Variants in IFI27 observed in about 807,000 individuals in gnomAD.
The protein encoded by IFI27 is interferon alpha-inducible protein 27, mitochondrial.
IFI27 carries 3 observed loss-of-function variants against 8.9 expected under a neutral mutation model. The observed-to-expected ratio is 0.34, with a 90% CI of 0.15 to 0.87. The LOEUF (loss-of-function observed/expected upper bound fraction) is 0.87, where lower values mean the gene tolerates loss of function less well. Among genes scored for constraint, IFI27 ranks in the 40% least tolerant of loss-of-function variants. The pLI is 0.51. For missense variants in IFI27, 152 were observed against 157.7 expected, an observed-to-expected ratio of 0.96 and a Z score of 0.19; for synonymous variants, 66 against 67.3, an observed-to-expected ratio of 0.98 and a Z score of 0.09.
At chr14:94,106,960 A>G (rs895879550), upstream of IFI27, among the ~76,000 whole-genome samples, 4 of 152,140 alleles carry the variant, frequency 2.6e-5, no homozygotes, top group Non-Finnish European at 5.9e-5. Context: ...TGGAGGTTAC[A>G]TTTTAGCACG....
At chr14:94,110,031 C>CT (rs970718386), upstream of IFI27, among the ~76,000 whole-genome samples, 15 of 152,186 alleles carry the variant, frequency 9.9e-5, no homozygotes, top group Admixed American at 9.8e-4. Context: ...CTGTTAAACT[C>CT]TGAGTTCACC....
exon 4 of IFI27, chr14:94,115,850 C>T: frequency 6.2e-7 from 1 of 1,603,078 alleles, no homozygotes; most frequent in Non-Finnish European, 8.5e-7. Flanking sequence ...ATCGCCTCGT[C>T]CTCCATAGCA....
chr14:94,114,620 C>A, intron 2 of IFI27: 1 of 563,130 alleles, frequency 1.8e-6, no homozygotes, highest in Admixed American at 3.0e-5. Context: ...AGGTCAGGGC[C>A]ACGTAAATTC....
In IFI27 at chr14:94,111,946, G is replaced by A. The variant is rs1008848067; in HGVS notation, c.91+173G>A. The stretch of plus-strand genomic sequence containing the variant: ...TAACTTTCCATCTGGGAGGGGGCCC[G>A]GGGCAGGCAGACTCTGGCCAGATGC... On this transcript the variant is annotated intron_variant, in intron 2 of 4. Transcript: ENST00000621160. The surrounding 1 kb of genome is among the most constrained non-coding windows in gnomAD (Gnocchi z 4.3). The A allele has an allele frequency of 2.2e-5, 14 of 650,404 alleles. No individual in the cohort carries two copies. The highest frequency in any genetic ancestry group is 3.3e-5 in the Non-Finnish European group (12 of 360,310). 40.3% of individuals were successfully genotyped at this position (650,404 alleles called of 1,614,324 possible).
upstream of IFI27, among the ~76,000 whole-genome samples, chr14:94,110,432 T>C (rs1165258331): frequency 6.6e-6 from 1 of 152,214 alleles, no homozygotes; most frequent in Non-Finnish European, 1.5e-5. Context: ...TAGAAAGTAA[T>C]ATTTATCATT....
upstream of IFI27, among the ~76,000 whole-genome samples, chr14:94,109,792 T>C (rs1887099356): frequency 6.6e-6 from 1 of 152,236 alleles, no homozygotes. Flanking sequence ...CCATTTTGAA[T>C]CTTACAACTC....
At position 94,116,125 on chromosome 14, in the gene IFI27, A is replaced by G. The variant is rs762345804; in HGVS notation, c.283+183A>G. On this transcript the variant is annotated intron_variant, in intron 4 of 4. Coordinates refer to ENST00000621160, the Ensembl canonical transcript of IFI27. The surrounding 1 kb of genome is among the most constrained non-coding windows in gnomAD (Gnocchi z 4.3). ...GAGGGAAGGAGCCCAAGCCAGGAAC[A>G]GTGCACTCAGGAAGACTCAGCCCGA... 12 of 795,478 alleles carry G rather than the reference A, an allele frequency of 1.5e-5. No individual in the cohort carries two copies. The highest frequency in any genetic ancestry group is 1.0e-4 in the Admixed American group (5 of 50,110). The allele number at this position is 795,478 out of a possible 1,614,324, so 49.3% of individuals were successfully genotyped here.
Position 94,112,287 on chromosome 14 carries a change from A to C in IFI27, c.91+514A>C, listed in dbSNP as rs529686878. ...CCCTCGATTCCCCTCCCTCAAAGTC[A>C]ACCTTTCTAATATATTTAATGTGTG... On this transcript the variant is annotated intron_variant, in intron 2 of 4. Coordinates refer to ENST00000621160, the Ensembl canonical transcript of IFI27. 8.0e-5 allele frequency: 13 copies of C among 163,230 alleles called. No individual in the cohort carries two copies. The South Asian group carries it at 2.2e-3, about 27-fold the overall frequency. The allele number at this position is 163,230 out of a possible 1,614,324, so 10.1% of individuals were successfully genotyped here.
At chr14:94,109,437 A>G (rs949641462), upstream of IFI27, among the ~76,000 whole-genome samples, 5 of 152,020 alleles carry the variant, frequency 3.3e-5, no homozygotes, top group Non-Finnish European at 5.9e-5. Context: ...AAAGGAAGAA[A>G]AAAAGTTTAT....
chr14:94,114,503 G>T, intron 2 of IFI27: 1 of 327,164 alleles, frequency 3.1e-6, no homozygotes, highest in Non-Finnish European at 5.7e-6. Context: ...CCACATCTAT[G>T]AGGTTTTGTT....
chr14:94,108,847 A>T (rs1281242703), upstream of IFI27, among the ~76,000 whole-genome samples: 1 of 152,198 alleles, frequency 6.6e-6, no homozygotes, highest in Non-Finnish European at 1.5e-5. Context: ...ATCCCACAAC[A>T]TAAATATGGA....
At position 94,111,978 on chromosome 14, in the gene IFI27, C is replaced by G; in HGVS notation, c.91+205C>G. 1.6e-6 allele frequency: 1 copy of G among 620,288 alleles called. No individual in the cohort carries two copies. The highest frequency in any genetic ancestry group is 1.8e-5 in the African/African-American group (1 of 54,882). The allele number at this position is 620,288 out of a possible 1,614,324, so 38.4% of individuals were successfully genotyped here. ...GCAGACTCTGGCCAGATGCCCAGCC[C>G]TGGGTGTTCCACAGGTCCTCTCCCC... On this transcript the variant is annotated intron_variant, in intron 2 of 4. Coordinates refer to ENST00000621160, the Ensembl canonical transcript of IFI27. The surrounding 1 kb of genome is among the most constrained non-coding windows in gnomAD (Gnocchi z 4.3).
upstream of IFI27, among the ~76,000 whole-genome samples, chr14:94,108,172 C>G (rs901884239): frequency 2.0e-5 from 3 of 152,176 alleles, no homozygotes; most frequent in African/African-American, 7.2e-5. Flanking sequence ...ATGAACTCAT[C>G]TTTTTTTATG....
intron 3 of IFI27, chr14:94,115,243 G>C (rs1305470475): frequency 1.7e-6 from 1 of 584,468 alleles, no homozygotes; most frequent in Non-Finnish European, 3.2e-6. Context: ...GGTCAGGATT[G>C]CATAGGGTGA....
chr14:94,112,082 C>T (rs1379884643), intron 2 of IFI27: 3 of 471,918 alleles, frequency 6.4e-6, no homozygotes, highest in Non-Finnish European at 7.7e-6. Context: ...CTCTCCCTTC[C>T]CCCAGATTCA....
chr14:94,111,917 A>AC lies in IFI27; in HGVS notation c.91+147dup. 1.4e-6 allele frequency: 1 copy of AC among 708,972 alleles called. No homozygotes were observed. Among genetic ancestry groups the AC allele is most frequent in the Non-Finnish European group, 2.5e-6 (1 of 401,746 alleles). The allele number at this position is 708,972 out of a possible 1,614,324, so 43.9% of individuals were successfully genotyped here. A position where few individuals can be genotyped will look rare whatever the true frequency, so the allele number is the denominator to read the frequency against. ...TCCTGTCTTCTCACAGCAGGCGTCCACCCTAACTTTCCATCTGGGAGGGGG... is the reference window on the plus strand; with the variant it reads ...TCCTGTCTTCTCACAGCAGGCGTCCACCCCTAACTTTCCATCTGGGAGGGGG... On this transcript the variant is annotated intron_variant, in intron 2 of 4. Coordinates refer to ENST00000621160, the Ensembl canonical transcript of IFI27. The surrounding 1 kb of genome is among the most constrained non-coding windows in gnomAD (Gnocchi z 4.3).
upstream of IFI27, among the ~76,000 whole-genome samples, chr14:94,109,057 G>C (rs1032302278): frequency 6.6e-6 from 1 of 152,156 alleles, no homozygotes; most frequent in South Asian, 2.1e-4. Flanking sequence ...AATTTGGGAG[G>C]CTGAGGCAGG....
upstream of IFI27, among the ~76,000 whole-genome samples, chr14:94,106,278 C>T (rs995402452): frequency 3.9e-5 from 6 of 152,186 alleles, no homozygotes; most frequent in Admixed American, 3.3e-4. Context: ...ACGAATTTGG[C>T]GGGGCCGTGG....
chr14:94,114,527 C>CT (rs1887314402), intron 2 of IFI27: 1 of 388,230 alleles, frequency 2.6e-6, no homozygotes, highest in East Asian at 4.3e-5. Flanking sequence ...TTTCATTCTG[C>CT]TTTTTGTTTG....
Sources: gnomAD v4.1 joint callset for allele counts (sites outside exome capture counted in the v4.1 genomes callset) on GRCh38, gnomAD v4.1.1 for gene constraint, Gnocchi (gnomAD v3.1) non-coding constraint, MANE v1.5 for transcripts, NCBI Gene and HGNC (gene_info 2026-07-23, HGNC 2026-07-21) for gene names.